Variants in PCDHGC3 observed in about 807,000 individuals in gnomAD.
PCDHGC3 encodes the protein protocadherin gamma-C3.
PCDHGC3 carries 26 observed loss-of-function variants against 59.2 expected under a neutral mutation model. The ratio of observed to expected loss-of-function variants is 0.44; its 90% CI spans 0.32 to 0.61. The LOEUF (loss-of-function observed/expected upper bound fraction) is 0.61, where lower values mean the gene tolerates loss of function less well. Among genes scored for constraint, PCDHGC3 ranks in the 20% least tolerant of loss-of-function variants. PCDHGC3 has a pLI of 0.05. For synonymous variants in PCDHGC3, 487 were observed against 519.7 expected, an observed-to-expected ratio of 0.94 and a Z score of 0.86; for missense variants, 1,080 against 1,221.8, an observed-to-expected ratio of 0.88 and a Z score of 1.73.
chr5:141,485,577 G>A lies in PCDHGC3; in HGVS notation c.2430+7031G>A. Reference sequence around the variant, plus strand: ...AATGATCACGCCCCCCGTTTTCCGCGGCAGCAGCTGGACTTGGAAATTGGG... The same window carrying A: ...AATGATCACGCCCCCCGTTTTCCGCAGCAGCAGCTGGACTTGGAAATTGGG... On this transcript the variant is annotated intron_variant, in intron 1 of 3. Transcript: ENST00000308177. This position sits in a 1 kb window ranked among gnomAD's most constrained non-coding sequence, Gnocchi z 5.7. 2 of 1,612,500 alleles carry A rather than the reference G, an allele frequency of 1.2e-6. No individual in the cohort carries two copies. Among genetic ancestry groups the A allele is most frequent in the Non-Finnish European group, 8.5e-7 (1 of 1,178,676 alleles).
chr5:141,490,981 C>T lies in PCDHGC3; in HGVS notation c.2431-3826C>T. 19 of 1,614,096 alleles carry T rather than the reference C, an allele frequency of 1.2e-5. No homozygotes were observed. The highest frequency in any genetic ancestry group is 1.5e-5 in the Non-Finnish European group (18 of 1,180,018). Reference sequence around the variant, plus strand: ...ACACTCAGCCCCCCAGCGTCTCCCTCGCTCTGCTCCTCCTGGCTCCTTGGT... The same window carrying T: ...ACACTCAGCCCCCCAGCGTCTCCCTTGCTCTGCTCCTCCTGGCTCCTTGGT... On this transcript the variant is annotated intron_variant, in intron 1 of 3. Transcript: ENST00000308177. The surrounding 1 kb of genome is among the most constrained non-coding windows in gnomAD (Gnocchi z 5.4).
At chr5:141,509,327 G>A (rs2099876237) in intron 3 of PCDHGC3, among the ~76,000 whole-genome samples, 1 of 152,188 alleles carries the variant, frequency 6.6e-6, no homozygotes, top group African/African-American at 2.4e-5. Flanking sequence ...AAGCTCTACT[G>A]CCAGCTGGGC....
In PCDHGC3 at chr5:141,511,284, G is replaced by A; in HGVS notation, c.*111G>A. Reference sequence around the variant, plus strand: ...AGGGCTAACCCCCAGAATACTGGTAGGGGCCAAGGCCATGCTCCCCTTGGG... The same window carrying A: ...AGGGCTAACCCCCAGAATACTGGTAAGGGCCAAGGCCATGCTCCCCTTGGG... On this transcript the variant is annotated 3_prime_UTR_variant, in exon 4 of 4. Coordinates refer to ENST00000308177, the MANE Select transcript of PCDHGC3 (RefSeq NM_002588.4). 6.5e-7 allele frequency: 1 copy of A among 1,528,376 alleles called. No individual in the cohort carries two copies. The highest frequency in any genetic ancestry group is 1.4e-5 in the African/African-American group (1 of 72,796). The allele number at this position is 1,528,376 out of a possible 1,614,324, so 94.7% of individuals were successfully genotyped here.
chr5:141,511,486 TC>T lies in PCDHGC3; in HGVS notation c.*315del. The T allele has an allele frequency of 2.2e-6, 1 of 449,906 alleles. No homozygotes were observed. 27.9% of individuals were successfully genotyped at this position (449,906 alleles called of 1,614,324 possible). A position where few individuals can be genotyped will look rare whatever the true frequency, so the allele number is the denominator to read the frequency against. On this transcript the variant is annotated 3_prime_UTR_variant, in exon 4 of 4. Transcript: ENST00000308177. ...CCCCGTTTAGTTACAGCTGAACTCC[TC>T]CATCTTCCAAATCAATCAGGCCCAT...
chr5:141,506,017 C>G (rs2099850061), intron 3 of PCDHGC3, among the ~76,000 whole-genome samples: 1 of 152,176 alleles, frequency 6.6e-6, no homozygotes, highest in Non-Finnish European at 1.5e-5. Flanking sequence ...TTTGCTGCCC[C>G]TAACTCCAGA....
Position 141,485,168 on chromosome 5 carries a change from G to A in PCDHGC3, c.2430+6622G>A. The A allele has an allele frequency of 6.2e-7, 1 of 1,608,668 alleles. No individual in the cohort carries two copies. Among genetic ancestry groups the A allele is most frequent in the Non-Finnish European group, 8.5e-7 (1 of 1,175,736 alleles). ...GGAGCAAGTAGAGAATTAGCGGGCG[G>A]CAGCAATGCTCCGCAAGGTGAGAAG... is the stretch of plus-strand genomic sequence containing the variant. On this transcript the variant is annotated intron_variant, in intron 1 of 3. Coordinates refer to ENST00000308177, the MANE Select transcript of PCDHGC3 (RefSeq NM_002588.4). This position sits in a 1 kb window ranked among gnomAD's most constrained non-coding sequence, Gnocchi z 5.7.
At chr5:141,507,349 A>G (rs537480798) in intron 3 of PCDHGC3, 1 of 152,236 alleles carries the variant, frequency 6.6e-6, no homozygotes, top group African/African-American at 2.4e-5. Flanking sequence ...CTGAAATTCA[A>G]ATTTAACTGG....
Position 141,511,207 on chromosome 5 carries a change from T to A in PCDHGC3, c.*34T>A, listed in dbSNP as rs773761839. ...CCAGGCCAAGAGCCACAGGGCGGCC[T>A]CTCCCCAACCAGCCCAGCTTCTCCT... On this transcript the variant is annotated 3_prime_UTR_variant, in exon 4 of 4. Transcript: ENST00000308177. 1 of 1,611,162 alleles carries A rather than the reference T, an allele frequency of 6.2e-7. No individual in the cohort carries two copies. The highest frequency in any genetic ancestry group is 1.1e-5 in the South Asian group (1 of 90,702).
chr5:141,476,597 G>C lies in PCDHGC3; in HGVS notation c.481G>C (p.Asp161His), dbSNP rs2099394582. Residue 161 changes from aspartate (D) to histidine (H), a missense_variant, in exon 1 of 4, where the codon GAT (aspartate) becomes CAT (histidine). Asp to His is a moderately conservative substitution (Grantham distance 81). Coordinates refer to ENST00000308177, the MANE Select transcript of PCDHGC3 (RefSeq NM_002588.4). The surrounding 1 kb of genome is among the most constrained non-coding windows in gnomAD (Gnocchi z 7.6). Reference protein sequence around the residue: ...GTRFPLESAHDPDVGSNSLQT... With the variant: ...GTRFPLESAHHPDVGSNSLQT... ...GCGCTTTCCGCTCGAGAGCGCGCAC[G>C]ATCCCGATGTGGGAAGCAACTCTTT... The C allele has an allele frequency of 1.2e-6, 2 of 1,614,112 alleles. No individual in the cohort carries two copies. The highest frequency in any genetic ancestry group is 1.7e-6 in the Non-Finnish European group (2 of 1,180,046).
At chr5:141,492,195 CTT>C (rs1240529719) in intron 1 of PCDHGC3, among the ~76,000 whole-genome samples, 1 of 152,242 alleles carries the variant, frequency 6.6e-6, no homozygotes, top group Non-Finnish European at 1.5e-5. Context: ...GTCTGCGGGA[CTT>C]AGGTGTGCGC....
At position 141,484,105 on chromosome 5, in the gene PCDHGC3, A is replaced by G. The variant is rs548687877; in HGVS notation, c.2430+5559A>G. On this transcript the variant is annotated intron_variant, in intron 1 of 3. Coordinates refer to ENST00000308177, the MANE Select transcript of PCDHGC3 (RefSeq NM_002588.4). Reference sequence around the variant, plus strand: ...GAAATGGTCTTCGTTGGTAATTAACAAAAGATCAAGAATACCTTGGTGTCA... The same window carrying G: ...GAAATGGTCTTCGTTGGTAATTAACGAAAGATCAAGAATACCTTGGTGTCA... Among the ~76,000 whole-genome samples, 3 of 152,316 alleles carry G rather than the reference A, an allele frequency of 2.0e-5. No individual in the cohort carries two copies. In the South Asian group the frequency reaches 6.2e-4, roughly 32 times the overall value.
intron 2 of PCDHGC3, among the ~76,000 whole-genome samples, chr5:141,499,115 C>G (rs940275925): frequency 6.6e-6 from 1 of 152,124 alleles, no homozygotes; most frequent in Non-Finnish European, 1.5e-5. Flanking sequence ...CACCACTATC[C>G]CTTCTCAGGT....
At chr5:141,502,035 G>C (rs1371892057) in intron 2 of PCDHGC3, among the ~76,000 whole-genome samples, 1 of 152,078 alleles carries the variant, frequency 6.6e-6, no homozygotes, top group Non-Finnish European at 1.5e-5. Context: ...CCCGCCGCTT[G>C]CCTGCTCTCC....
rs934206266 is a variant in PCDHGC3, at chr5:141,483,131, G to A, written c.2430+4585G>A. Among the ~76,000 whole-genome samples, 14 of 152,274 alleles carry A rather than the reference G, an allele frequency of 9.2e-5. No individual in the cohort carries two copies. The South Asian group carries it at 2.9e-3, about 32-fold the overall frequency. On this transcript the variant is annotated intron_variant, in intron 1 of 3. Transcript: ENST00000308177. ...AACAGACAGTCTTTGTAGGAGATGA[G>A]GTGAAGCAAGTAGGCAGGAGTTAGA...
At chr5:141,495,274 G>A (rs1396412578) in intron 2 of PCDHGC3, among the ~76,000 whole-genome samples, 1 of 152,190 alleles carries the variant, frequency 6.6e-6, no homozygotes, top group Non-Finnish European at 1.5e-5. Context: ...TTGACCGGAG[G>A]AGGCGGTCCG....
At chr5:141,502,525 G>A (rs1258704254) in intron 2 of PCDHGC3, among the ~76,000 whole-genome samples, 1 of 152,074 alleles carries the variant, frequency 6.6e-6, no homozygotes, top group Non-Finnish European at 1.5e-5. Flanking sequence ...CAGTGATGCC[G>A]AGTTTGTTCG....
chr5:141,489,666 C>A lies in PCDHGC3; in HGVS notation c.2431-5141C>A. On this transcript the variant is annotated intron_variant, in intron 1 of 3. Transcript: ENST00000308177. The surrounding 1 kb of genome is among the most constrained non-coding windows in gnomAD (Gnocchi z 4.5). ...CCACCCCTGAGCGAGAGATGCGCAT[C>A]TCAGAATCAGCAGCATCTGGGGCAC... 1.2e-6 allele frequency: 2 copies of A among 1,614,222 alleles called. No homozygotes were observed. Among genetic ancestry groups the A allele is most frequent in the Non-Finnish European group, 1.7e-6 (2 of 1,180,036 alleles).
intron 1 of PCDHGC3, among the ~76,000 whole-genome samples, chr5:141,484,096 G>T (rs539388257): frequency 6.6e-6 from 1 of 152,244 alleles, no homozygotes; most frequent in Non-Finnish European, 1.5e-5. Flanking sequence ...GTCTTCGTTG[G>T]TAATTAACAA....
rs140056243 is a variant in PCDHGC3 at position 141,487,386 on chromosome 5, G to A, written c.2431-7421G>A. 21 of 1,614,046 alleles carry A rather than the reference G, an allele frequency of 1.3e-5. No individual in the cohort carries two copies. The highest frequency in any genetic ancestry group is 4.0e-5 in the African/African-American group (3 of 74,920). On this transcript the variant is annotated intron_variant, in intron 1 of 3. Coordinates refer to ENST00000308177, the MANE Select transcript of PCDHGC3 (RefSeq NM_002588.4). The surrounding 1 kb of genome is among the most constrained non-coding windows in gnomAD (Gnocchi z 5.0). Reference sequence around the variant, plus strand: ...ACCTGTGCCTGTCTCACCAGATCTCGAAGGAGGGAGGGGCTTCCCCCTTCC... The same window carrying A: ...ACCTGTGCCTGTCTCACCAGATCTCAAAGGAGGGAGGGGCTTCCCCCTTCC...
Sources: allele counts gnomAD v4.1 joint callset (sites outside exome capture counted in the v4.1 genomes callset), GRCh38; gene constraint gnomAD v4.1.1; non-coding constraint Gnocchi (gnomAD v3.1); transcripts MANE v1.5; gene names NCBI Gene and HGNC (gene_info 2026-07-23, HGNC 2026-07-21).